PTPRT: variants seen among roughly 807,000 people sequenced by gnomAD.
The protein encoded by PTPRT is protein tyrosine phosphatase receptor type T.
PTPRT carries 56 observed loss-of-function variants against 176.8 expected under a neutral mutation model. The ratio of observed to expected loss-of-function variants is 0.32; its 90% CI spans 0.26 to 0.40. The LOEUF is 0.40. Among genes scored for constraint, PTPRT ranks in the 10% least tolerant of loss-of-function variants. The pLI, the probability that PTPRT is intolerant of heterozygous loss-of-function variation, is 1.00. For synonymous variants in PTPRT, 783 were observed against 739.0 expected, an observed-to-expected ratio of 1.06 and a Z score of -0.96; for missense variants, 1,540 against 1,908.2, an observed-to-expected ratio of 0.81 and a Z score of 3.60.
At chr20:42,814,373 T>G (rs1223796373) in intron 2 of PTPRT, among the ~76,000 whole-genome samples, 20 of 152,206 alleles carry the variant, frequency 1.3e-4, no homozygotes, top group Admixed American at 1.3e-3. Context: ...ACACTTTCCA[T>G]AAGTAAGTTG....
intron 14 of PTPRT, among the ~76,000 whole-genome samples, chr20:42,239,442 A>G (rs2056310310): frequency 8.8e-6 from 1 of 113,010 alleles, no homozygotes; most frequent in African/African-American, 3.5e-5. Context: ...TTTTTTTGAG[A>G]CAGAGTCTCA....
At chr20:42,797,857 C>T (rs772790356) in intron 2 of PTPRT, among the ~76,000 whole-genome samples, 20 of 152,090 alleles carry the variant, frequency 1.3e-4, no homozygotes, top group Non-Finnish European at 2.6e-4. Flanking sequence ...AGCCATGAAC[C>T]AAAAACTGCA....
chr20:43,110,904 G>T (rs558614529), intron 1 of PTPRT, among the ~76,000 whole-genome samples: 3 of 152,268 alleles, frequency 2.0e-5, no homozygotes, highest in Non-Finnish European at 4.4e-5. Context: ...TAGCTCCAGG[G>T]ACTCAAGTAC....
At position 42,916,363 on chromosome 20, in the gene PTPRT, G is replaced by C. The variant is rs140006377; in HGVS notation, c.89-30431C>G. ...CCACATTTTCTTAATCCAGTCTATC[G>C]TTCTTGGACATTTAGGTTGGTTCCA... On this transcript the variant is annotated intron_variant, in intron 1 of 30. Coordinates refer to ENST00000373187, the MANE Select transcript of PTPRT (RefSeq NM_007050.6). Among the ~76,000 whole-genome samples the C allele has an allele frequency of 8.2e-3, 1,246 of 151,984 alleles. 9 individuals are homozygous for C. Among genetic ancestry groups the C allele is most frequent in the Middle Eastern group, 0.037 (11 of 294 alleles).
At chr20:42,427,692 G>A (rs1037685826) in intron 9 of PTPRT, among the ~76,000 whole-genome samples, 6 of 152,258 alleles carry the variant, frequency 3.9e-5, no homozygotes, top group Non-Finnish European at 5.9e-5. Context: ...CCAGGCCATC[G>A]CATCCCCTGT....
At chr20:42,754,475 C>G (rs915876051) in intron 6 of PTPRT, among the ~76,000 whole-genome samples, 1 of 152,152 alleles carries the variant, frequency 6.6e-6, no homozygotes, top group African/African-American at 2.4e-5. Flanking sequence ...GACGGGGTTT[C>G]ACCATGTTGG....
intron 9 of PTPRT, among the ~76,000 whole-genome samples, chr20:42,390,053 C>T (rs2058786308): frequency 6.6e-6 from 1 of 152,116 alleles, no homozygotes. Context: ...ACTTATACAG[C>T]CATCTAATAG....
At chr20:42,497,174 C>T (rs910539382) in intron 7 of PTPRT, among the ~76,000 whole-genome samples, 34 of 152,288 alleles carry the variant, frequency 2.2e-4, no homozygotes, top group African/African-American at 8.2e-4. Flanking sequence ...AGCAGCTTTA[C>T]AGATAAGGGT....
intron 1 of PTPRT, among the ~76,000 whole-genome samples, chr20:43,158,082 T>C (rs371903669): frequency 1.3e-5 from 2 of 152,110 alleles, no homozygotes; most frequent in East Asian, 3.9e-4. Flanking sequence ...CTTCTAATAA[T>C]CCCAGGGGAA....
At chr20:42,873,901 A>G (rs1430343924) in intron 2 of PTPRT, among the ~76,000 whole-genome samples, 2 of 152,238 alleles carry the variant, frequency 1.3e-5, no homozygotes, top group Non-Finnish European at 2.9e-5. Flanking sequence ...CTATATTTAT[A>G]CTAAACTATT....
At chr20:42,577,837 C>CTGTGTG (rs11468271) in intron 7 of PTPRT, among the ~76,000 whole-genome samples, 48 of 139,430 alleles carry the variant, frequency 3.4e-4, no homozygotes, top group Middle Eastern at 3.7e-3. Flanking sequence ...CTGAGCAAGG[C>CTGTGTG]TGTGTGTGTG....
chr20:42,639,977 GC>G (rs1429014876), intron 7 of PTPRT, among the ~76,000 whole-genome samples: 1 of 152,048 alleles, frequency 6.6e-6, no homozygotes, highest in Non-Finnish European at 1.5e-5. Flanking sequence ...ATTTTAACCT[GC>G]CATCTGTCAG....
intron 4 of PTPRT, among the ~76,000 whole-genome samples, chr20:42,774,552 G>A (rs1427525528): frequency 1.3e-5 from 2 of 152,196 alleles, no homozygotes; most frequent in Non-Finnish European, 2.9e-5. Flanking sequence ...TTAAAACACA[G>A]TACAGGCTTA....
intron 16 of PTPRT, among the ~76,000 whole-genome samples, chr20:42,181,154 G>A (rs1478590710): frequency 6.6e-6 from 1 of 152,182 alleles, no homozygotes; most frequent in African/African-American, 2.4e-5. Flanking sequence ...ATACATAAGA[G>A]TAAATTGACT....
At chr20:42,117,363 T>C (rs904146353) in intron 21 of PTPRT, among the ~76,000 whole-genome samples, 3 of 152,242 alleles carry the variant, frequency 2.0e-5, no homozygotes, top group Non-Finnish European at 2.9e-5. Flanking sequence ...CTTTTAATTC[T>C]CGTGTTTGTA....
intron 1 of PTPRT, among the ~76,000 whole-genome samples, chr20:43,131,127 A>G (rs1199975484): frequency 6.6e-6 from 1 of 152,238 alleles, no homozygotes; most frequent in Non-Finnish European, 1.5e-5. Context: ...GCCTCTAACA[A>G]GTACTCCCAA....
chr20:42,981,438 C>A (rs913429284), intron 1 of PTPRT, among the ~76,000 whole-genome samples: 4 of 152,232 alleles, frequency 2.6e-5, no homozygotes, highest in African/African-American at 9.6e-5. Flanking sequence ...GCCCTGGCCA[C>A]GTGAGTTGCT....
intron 7 of PTPRT, among the ~76,000 whole-genome samples, chr20:42,620,844 A>G (rs1339003343): frequency 6.6e-6 from 1 of 151,868 alleles, no homozygotes; most frequent in African/African-American, 2.4e-5. Context: ...ACTGTCTGGC[A>G]CTCCCTAGTG....
downstream of PTPRT, among the ~76,000 whole-genome samples, chr20:42,070,283 A>G (rs991143562): frequency 1.3e-5 from 2 of 151,792 alleles, no homozygotes; most frequent in African/African-American, 2.4e-5. Context: ...GGAATTAAAG[A>G]AAGATCTTAA....
Sources: gnomAD v4.1 joint callset for allele counts (sites outside exome capture counted in the v4.1 genomes callset) on GRCh38, gnomAD v4.1.1 for gene constraint, MANE v1.5 for transcripts, NCBI Gene and HGNC (gene_info 2026-07-23, HGNC 2026-07-21) for gene names.